The following SLC24A4 variants were observed in gnomAD, a reference collection of about 807,000 sequenced individuals.
SLC24A4 encodes the protein solute carrier family 24 member 4.
A neutral mutation model predicts 79.0 loss-of-function variants in SLC24A4; 53 were observed. The ratio of observed to expected loss-of-function variants is 0.67; its 90% confidence interval spans 0.54 to 0.84. The LOEUF is 0.84. Among genes scored for constraint, SLC24A4 ranks in the 40% least tolerant of loss-of-function variants. The probability of loss-of-function intolerance (pLI) is 0.00; values close to 1 mark genes in which losing one functional copy is unlikely to be tolerated. For synonymous variants in SLC24A4, 323 were observed against 323.8 expected (o/e 1.00, Z 0.03); for missense variants, 731 against 822.0 (o/e 0.89, Z 1.35).
intron 2 of SLC24A4, among the ~76,000 whole-genome samples, chr14:92,417,486 A>G (rs1312760801): frequency 6.6e-6 from 1 of 152,236 alleles, no homozygotes; most frequent in Non-Finnish European, 1.5e-5. Context: ...AAAAAGTTAC[A>G]GTAAGCGAAG....
chr14:92,445,376 T>C, intron 8 of SLC24A4, 34 bp downstream of exon 8: 3 of 1,610,486 alleles, frequency 1.9e-6, no homozygotes, highest in Non-Finnish European at 2.5e-6. Flanking sequence ...CATTGTTCTT[T>C]TTTGTTGTTG....
chr14:92,404,350 A>G (rs1210612389), intron 2 of SLC24A4, among the ~76,000 whole-genome samples: 2 of 152,248 alleles, frequency 1.3e-5, no homozygotes, highest in Non-Finnish European at 2.9e-5. Flanking sequence ...TAAACTGTCC[A>G]GACCTTTTAT....
chr14:92,343,302 G>T lies in SLC24A4; in HGVS notation c.241+17324G>T, dbSNP rs184708786. Among the ~76,000 whole-genome samples the T allele has an allele frequency of 1.2e-3, 177 of 152,244 alleles. 5 individuals carry two copies. The East Asian group carries it at 0.034, about 29-fold the overall frequency. Reference sequence around the variant, plus strand: ...ATCATATCCTAAGAGTTGCCTTTTGGATGTAACCTGTGTTGTAAAATTATA... The same window carrying T: ...ATCATATCCTAAGAGTTGCCTTTTGTATGTAACCTGTGTTGTAAAATTATA... On this transcript the variant is annotated intron_variant, in intron 2 of 16. Transcript: ENST00000532405.
At chr14:92,327,725 C>T (rs955778615) in intron 2 of SLC24A4, among the ~76,000 whole-genome samples, 4 of 152,154 alleles carry the variant, frequency 2.6e-5, no homozygotes, top group East Asian at 1.9e-4. Context: ...TCCTTTGCCC[C>T]GCTGTGGGCT....
At chr14:92,406,770 T>C (rs1890405433) in intron 2 of SLC24A4, among the ~76,000 whole-genome samples, 1 of 150,900 alleles carries the variant, frequency 6.6e-6, no homozygotes, top group Non-Finnish European at 1.5e-5. Flanking sequence ...ATGAAACCAC[T>C]TTTCCCTCCT....
At chr14:92,487,165 CA>C (rs1308906224) in intron 14 of SLC24A4, among the ~76,000 whole-genome samples, 1 of 152,234 alleles carries the variant, frequency 6.6e-6, no homozygotes, top group Non-Finnish European at 1.5e-5. Flanking sequence ...CCAACTCCCC[CA>C]TTCTTCTTCT....
chr14:92,490,275 A>G lies in SLC24A4; in HGVS notation c.1538-1390A>G, dbSNP rs78073534. On this transcript the variant is annotated intron_variant, in intron 14 of 16. Coordinates refer to ENST00000532405, the MANE Select transcript of SLC24A4 (RefSeq NM_153646.4). This position sits in a 1 kb window ranked among gnomAD's most constrained non-coding sequence, Gnocchi z 4.3. ...CAGGTTAGGACAGTGGTGTGGAAGT[A>G]TGGCTCAGTGGCCGGGTTAGGGCAG... Among the ~76,000 whole-genome samples the G allele has an allele frequency of 0.022, 3,366 of 152,318 alleles. 119 individuals are homozygous for G. Among genetic ancestry groups the G allele is most frequent in the East Asian group, 0.17 (898 of 5,178 alleles).
intron 2 of SLC24A4, among the ~76,000 whole-genome samples, chr14:92,369,059 CT>C (rs1888009210): frequency 6.6e-6 from 1 of 152,200 alleles, no homozygotes; most frequent in African/African-American, 2.4e-5. Flanking sequence ...GAGGTGCCCC[CT>C]GAAACAGCCT....
At chr14:92,364,351 G>A (rs911098002) in intron 2 of SLC24A4, among the ~76,000 whole-genome samples, 1 of 152,160 alleles carries the variant, frequency 6.6e-6, no homozygotes, top group Non-Finnish European at 1.5e-5. Flanking sequence ...GGGCAGAGCA[G>A]GGTGGGAAAG....
chr14:92,478,347 C>A (rs763094153), intron 12 of SLC24A4, among the ~76,000 whole-genome samples: 1 of 152,108 alleles, frequency 6.6e-6, no homozygotes, highest in East Asian at 1.9e-4. Flanking sequence ...CAGTTTCATT[C>A]TTTTGCCTAT....
chr14:92,433,872 A>G (rs1175730863), intron 2 of SLC24A4, 40 bp from the exon 3 acceptor site: 3 of 1,568,668 alleles, frequency 1.9e-6, no homozygotes, highest in African/African-American at 1.4e-5. Context: ...CGGGAGGCCC[A>G]TAGATAACTA....
rs567606298 is a variant in SLC24A4, at chr14:92,480,820, A to C, written c.1256-1860A>C. Among the ~76,000 whole-genome samples the C allele has an allele frequency of 7.9e-5, 12 of 151,534 alleles. No individual in the cohort carries two copies. In the South Asian group the frequency reaches 2.5e-3, roughly 32 times the overall value. On this transcript the variant is annotated intron_variant, in intron 12 of 16. Coordinates refer to ENST00000532405, the MANE Select transcript of SLC24A4 (RefSeq NM_153646.4). ...TGTTATTGGTTTCTAATTCTGTTCCATTGTGGTTGGAGAACAGGAGATTAT... is the reference window on the plus strand; with the variant it reads ...TGTTATTGGTTTCTAATTCTGTTCCCTTGTGGTTGGAGAACAGGAGATTAT...
chr14:92,466,826 A>G (rs1894155356), intron 12 of SLC24A4, among the ~76,000 whole-genome samples: 1 of 152,186 alleles, frequency 6.6e-6, no homozygotes, highest in African/African-American at 2.4e-5. Flanking sequence ...TGCATTCGAG[A>G]CCTGGTACTA....
chr14:92,455,952 C>G (rs1354313137), intron 11 of SLC24A4, among the ~76,000 whole-genome samples: 1 of 152,172 alleles, frequency 6.6e-6, no homozygotes, highest in Non-Finnish European at 1.5e-5. Flanking sequence ...CCACCCACCT[C>G]GGCCTCCCAA....
At chr14:92,424,062 C>T (rs1342281583) in intron 2 of SLC24A4, among the ~76,000 whole-genome samples, 3 of 152,178 alleles carry the variant, frequency 2.0e-5, no homozygotes, top group African/African-American at 7.2e-5. Flanking sequence ...CCTCTGCCTT[C>T]GTCATCCCAT....
rs558281188 is a variant in SLC24A4, at chr14:92,492,974, A to G, written c.1717-502A>G. ...CTCTACCCCAAACACACACACACAC[A>G]CACACACACACACACACACACACAC... On this transcript the variant is annotated intron_variant, in intron 16 of 16. Coordinates refer to ENST00000532405, the MANE Select transcript of SLC24A4 (RefSeq NM_153646.4). The G allele has an allele frequency of 2.5e-3, 494 of 197,864 alleles. 3 individuals are homozygous for G. Among genetic ancestry groups the G allele is most frequent in the Non-Finnish European group, 3.8e-3 (365 of 97,122 alleles). The allele number at this position is 197,864 out of a possible 1,614,324, so 12.3% of individuals were successfully genotyped here.
intron 13 of SLC24A4, chr14:92,483,665 G>A: frequency 1.7e-6 from 2 of 1,194,810 alleles, no homozygotes; most frequent in East Asian, 1.1e-4. Flanking sequence ...CCACACAGGA[G>A]CCTCCTTCCC....
Position 92,493,015 on chromosome 14 carries a change from C to G in SLC24A4, c.1717-461C>G, listed in dbSNP as rs867169070. 348 of 280,214 alleles carry G rather than the reference C, an allele frequency of 1.2e-3. 5 individuals carry two copies. Among genetic ancestry groups the G allele is most frequent in the African/African-American group, 2.8e-3 (100 of 35,588 alleles). 17.4% of individuals were successfully genotyped at this position (280,214 alleles called of 1,614,324 possible). A position where few individuals can be genotyped will look rare whatever the true frequency, so the allele number is the denominator to read the frequency against. ...ACACACACACACACACACACACACACACAGAGAAAGATTTGCCCAGCCAGG... is the reference window on the plus strand; with the variant it reads ...ACACACACACACACACACACACACAGACAGAGAAAGATTTGCCCAGCCAGG... On this transcript the variant is annotated intron_variant, in intron 16 of 16. Coordinates refer to ENST00000532405, the MANE Select transcript of SLC24A4 (RefSeq NM_153646.4).
intron 2 of SLC24A4, among the ~76,000 whole-genome samples, chr14:92,377,130 A>G (rs1285350494): frequency 1.3e-5 from 2 of 152,232 alleles, no homozygotes; most frequent in East Asian, 3.9e-4. Context: ...TAACCTCTCC[A>G]GGGACCCCCA....
Sources: allele counts gnomAD v4.1 joint callset (sites outside exome capture counted in the v4.1 genomes callset), GRCh38; gene constraint gnomAD v4.1.1; non-coding constraint Gnocchi (gnomAD v3.1); transcripts MANE v1.5; gene names NCBI Gene and HGNC (gene_info 2026-07-23, HGNC 2026-07-21).